Variants in TP63 observed in about 807,000 individuals in gnomAD.
TP63 encodes tumor protein p63.
A neutral mutation model predicts 82.8 loss-of-function variants in TP63; 17 were observed. That is an observed-to-expected ratio of 0.21 (90% CI 0.14 to 0.31). TP63 has a LOEUF of 0.31. Ranked by LOEUF, TP63 falls within the 10% of genes least tolerant of loss-of-function variation. TP63 has a pLI of 1.00. For synonymous variants in TP63, 330 were observed against 321.7 expected, an observed-to-expected ratio of 1.03 and a Z score of -0.28; for missense variants, 648 against 895.3, an observed-to-expected ratio of 0.72 and a Z score of 3.52.
intron 4 of TP63, among the ~76,000 whole-genome samples, chr3:189,854,335 A>G (rs2108773000): frequency 6.6e-6 from 1 of 152,234 alleles, no homozygotes; most frequent in Non-Finnish European, 1.5e-5. Flanking sequence ...AGTTCAAGCA[A>G]TTCTCCTGCT....
chr3:189,866,752 C>T lies in TP63; in HGVS notation c.837C>T (p.Pro279=). 9 of 1,613,984 alleles carry T rather than the reference C, an allele frequency of 5.6e-6. No individual in the cohort carries two copies. Among genetic ancestry groups the T allele is most frequent in the Non-Finnish European group, 7.6e-6 (9 of 1,179,958 alleles). The change falls in exon 6 of 14, where the codon CCC becomes CCT. Residue 279 remains proline (P), a synonymous_variant. Transcript: ENST00000264731. ...GCCATGCCCAGTATGTAGAAGATCC[C>T]ATCACAGGAAGACAGAGTGTGCTGG... is the stretch of plus-strand genomic sequence containing the variant. The part of the protein sequence containing the change: ...GNSHAQYVED[P]ITGRQSVLVP...
At chr3:189,775,259 A>G (rs1419792223) in intron 3 of TP63, among the ~76,000 whole-genome samples, 2 of 151,834 alleles carry the variant, frequency 1.3e-5, no homozygotes, top group African/African-American at 2.4e-5. Flanking sequence ...AAGAAAGAAA[A>G]AAATTGACTT....
chr3:189,774,169 G>A (rs578111450), intron 3 of TP63, among the ~76,000 whole-genome samples: 286 of 152,084 alleles, frequency 1.9e-3, no homozygotes, highest in Non-Finnish European at 2.0e-3. Flanking sequence ...TGATCCGCCC[G>A]CCTCGGCCTC....
In TP63 at chr3:189,631,407, G is replaced by A; in HGVS notation, c.-109G>A. 6.3e-7 allele frequency: 1 copy of A among 1,580,340 alleles called. No homozygotes were observed. Among genetic ancestry groups the A allele is most frequent in the Non-Finnish European group, 8.6e-7 (1 of 1,164,584 alleles). On this transcript the variant is annotated 5_prime_UTR_variant, in exon 1 of 14. An upstream open reading frame in the 5' UTR loses its in-frame stop. Transcript: ENST00000264731. ...TAAACTTCTATGTCTGATAGCATTT[G>A]ACCCTATTGCTTTTAGCCTCCCGGC...
chr3:189,789,710 AT>A, intron 3 of TP63: 1 of 1,446,384 alleles, frequency 6.9e-7, no homozygotes. Context: ...TCTTAAGTAG[AT>A]TCATATTGTA....
Position 189,714,906 on chromosome 3 carries a change from G to A in TP63, c.63-22834G>A, listed in dbSNP as rs144788881. 5.3e-3 allele frequency among the ~76,000 whole-genome samples: 805 copies of A among 152,218 alleles called. 13 individuals are homozygous for A. The highest frequency in any genetic ancestry group is 0.019 in the African/African-American group (770 of 41,526). ...TCAAAAATTCTACACAACCAGAGAA[G>A]CACTGGGAGAGAAACAGTACTGTAC... On this transcript the variant is annotated intron_variant, in intron 1 of 13. Transcript: ENST00000264731.
chr3:189,728,505 G>C (rs929048363), intron 1 of TP63, among the ~76,000 whole-genome samples: 1 of 152,206 alleles, frequency 6.6e-6, no homozygotes, highest in Non-Finnish European at 1.5e-5. Context: ...CTTGGGGGAA[G>C]ATGGTGGATT....
chr3:189,881,067 C>T (rs1388124806), intron 10 of TP63: 1 of 985,146 alleles, frequency 1.0e-6, no homozygotes, highest in Admixed American at 6.2e-5. Flanking sequence ...AATTTGAAGC[C>T]CTCTCACAAA....
chr3:189,749,474 T>A (rs1721632879), intron 3 of TP63, among the ~76,000 whole-genome samples: 1 of 152,014 alleles, frequency 6.6e-6, no homozygotes, highest in African/African-American at 2.4e-5. Flanking sequence ...TAAATGCAAA[T>A]CAAAACCAAA....
chr3:189,822,295 A>T (rs1728876946), intron 4 of TP63, among the ~76,000 whole-genome samples: 1 of 152,224 alleles, frequency 6.6e-6, no homozygotes, highest in Non-Finnish European at 1.5e-5. Flanking sequence ...AATCTACTCC[A>T]TAAAGTAGCT....
intron 4 of TP63, among the ~76,000 whole-genome samples, chr3:189,853,038 T>C (rs1715848968): frequency 6.6e-6 from 1 of 152,238 alleles, no homozygotes; most frequent in South Asian, 2.1e-4. Context: ...ACTACCTCTA[T>C]GAAAATTGTC....
At position 189,830,466 on chromosome 3, in the gene TP63, C is replaced by T. The variant is rs1712152339; in HGVS notation, c.579+21940C>T. 3.9e-5 allele frequency among the ~76,000 whole-genome samples: 6 copies of T among 152,192 alleles called. No homozygotes were observed. In the South Asian group the frequency reaches 1.2e-3, roughly 32 times the overall value. ...CATTAATTTTATTGGACTGAAAAAC[C>T]TCCAGTTTACTAACAGGAGTTGAAA... On this transcript the variant is annotated intron_variant, in intron 4 of 13. Coordinates refer to ENST00000264731, the MANE Select transcript of TP63 (RefSeq NM_003722.5).
intron 1 of TP63, among the ~76,000 whole-genome samples, chr3:189,698,906 T>G (rs546511611): frequency 6.6e-6 from 1 of 152,250 alleles, no homozygotes; most frequent in South Asian, 2.1e-4. Flanking sequence ...GAATAGTATC[T>G]ATTATATTTG....
intron 4 of TP63, among the ~76,000 whole-genome samples, chr3:189,853,602 T>A (rs1187931960): frequency 6.6e-6 from 1 of 152,206 alleles, no homozygotes; most frequent in Non-Finnish European, 1.5e-5. Flanking sequence ...AAAAATAATA[T>A]CCTCTTCACA....
intron 4 of TP63, among the ~76,000 whole-genome samples, chr3:189,824,023 C>G (rs1025024863): frequency 1.3e-5 from 2 of 151,982 alleles, no homozygotes; most frequent in Admixed American, 1.3e-4. Context: ...ATGCCAAAAG[C>G]CTAATAGCCC....
At chr3:189,617,509 A>G in the TP63 span, among the ~76,000 whole-genome samples, 354 of 152,220 alleles carry the variant, frequency 2.3e-3, no homozygotes, top group African/African-American at 7.7e-3. Flanking sequence ...CAATCAGGCT[A>G]TTACATTATT....
chr3:189,619,382 A>T, the TP63 span, among the ~76,000 whole-genome samples: 3 of 152,204 alleles, frequency 2.0e-5, no homozygotes, highest in African/African-American at 7.2e-5. Context: ...AAACCAACTT[A>T]TCAGGGGTAT....
At chr3:189,803,716 C>T (rs1576992979) in intron 3 of TP63, among the ~76,000 whole-genome samples, 1 of 152,320 alleles carries the variant, frequency 6.6e-6, no homozygotes, top group Middle Eastern at 3.4e-3. Flanking sequence ...GAATATATCA[C>T]AACTACAAAT....
At chr3:189,867,355 C>T (rs1376588616) in intron 6 of TP63, among the ~76,000 whole-genome samples, 2 of 152,154 alleles carry the variant, frequency 1.3e-5, no homozygotes, top group Admixed American at 1.3e-4. Context: ...TACGTATGTA[C>T]TTTGGACTAG....
Sources: gnomAD v4.1 joint callset for allele counts (sites outside exome capture counted in the v4.1 genomes callset) on GRCh38, gnomAD v4.1.1 for gene constraint, MANE v1.5 for transcripts, NCBI Gene and HGNC (gene_info 2026-07-23, HGNC 2026-07-21) for gene names.